The following MARCHF1 variants were observed in gnomAD, a reference collection of about 807,000 sequenced individuals.
MARCHF1 encodes the protein E3 ubiquitin-protein ligase MARCHF1.
Under a neutral mutation model 54.2 loss-of-function variants are expected in MARCHF1, and 40 were observed. That is an observed-to-expected ratio of 0.74 (90% CI 0.57 to 0.96). The LOEUF is 0.96. Ranked by LOEUF, MARCHF1 falls within the 40% of genes least tolerant of loss-of-function variation. The pLI is 0.00. For synonymous variants in MARCHF1, 236 were observed against 236.3 expected (o/e 1.00, Z 0.01); for missense variants, 586 against 656.5 (o/e 0.89, Z 1.17).
chr4:163,626,078 T>G (rs2036905), intron 5 of MARCHF1, among the ~76,000 whole-genome samples: 48,365 of 152,158 alleles, frequency 0.32, 8,823 homozygotes, highest in Non-Finnish European at 0.42. Flanking sequence ...AAGCATTCTT[T>G]GTAATGGATG....
chr4:164,078,259 T>C (rs899322086), intron 2 of MARCHF1, among the ~76,000 whole-genome samples: 1 of 152,140 alleles, frequency 6.6e-6, no homozygotes, highest in African/African-American at 2.4e-5. Context: ...ATCATCATTC[T>C]CAGCAAACTA....
intron 1 of MARCHF1, among the ~76,000 whole-genome samples, chr4:164,333,847 G>A (rs1221331180): frequency 6.6e-6 from 1 of 152,196 alleles, no homozygotes; most frequent in African/African-American, 2.4e-5. Flanking sequence ...CAAAGGAAAA[G>A]TTCTTGAAGG....
chr4:164,312,664 A>G (rs1408718951), intron 1 of MARCHF1, among the ~76,000 whole-genome samples: 1 of 152,138 alleles, frequency 6.6e-6, no homozygotes, highest in African/African-American at 2.4e-5. Flanking sequence ...AAAATTGGAG[A>G]AAGAATCTAC....
intron 1 of MARCHF1, among the ~76,000 whole-genome samples, chr4:164,347,371 C>A (rs1045126839): frequency 4.0e-4 from 61 of 152,222 alleles, no homozygotes; most frequent in African/African-American, 1.0e-3. Flanking sequence ...CAGGTAAATT[C>A]TTTTCTTTGC....
chr4:164,096,400 C>T (rs1755413159), intron 2 of MARCHF1, among the ~76,000 whole-genome samples: 1 of 151,850 alleles, frequency 6.6e-6, no homozygotes, highest in Non-Finnish European at 1.5e-5. Flanking sequence ...GAACAATAGA[C>T]ACTGGAGTCT....
At chr4:163,535,356 G>T (rs1738493034) in intron 9 of MARCHF1, among the ~76,000 whole-genome samples, 1 of 152,048 alleles carries the variant, frequency 6.6e-6, no homozygotes, top group Non-Finnish European at 1.5e-5. Flanking sequence ...GGCCTTTAAA[G>T]ACCATCTATT....
intron 2 of MARCHF1, among the ~76,000 whole-genome samples, chr4:163,989,987 G>A (rs922693964): frequency 6.6e-6 from 1 of 152,016 alleles, no homozygotes; most frequent in African/African-American, 2.4e-5. Flanking sequence ...ATCTCTACCT[G>A]TCTTTGTATT....
chr4:164,105,340 G>T (rs2111168040), intron 2 of MARCHF1, among the ~76,000 whole-genome samples: 1 of 147,010 alleles, frequency 6.8e-6, no homozygotes, highest in South Asian at 2.2e-4. Context: ...AAAGCTGGAG[G>T]CATCACACTA....
intron 9 of MARCHF1, among the ~76,000 whole-genome samples, chr4:163,543,823 C>A (rs567778121): frequency 3.9e-5 from 6 of 152,248 alleles, no homozygotes; most frequent in Admixed American, 2.0e-4. Context: ...CCTCTTCTTA[C>A]ATCTACGAGA....
At chr4:164,066,249 C>A (rs1754727305) in intron 2 of MARCHF1, among the ~76,000 whole-genome samples, 1 of 152,070 alleles carries the variant, frequency 6.6e-6, no homozygotes, top group Non-Finnish European at 1.5e-5. Flanking sequence ...ATATATGCAG[C>A]CAACGAGCAC....
At chr4:163,817,721 A>G (rs1282055671) in intron 4 of MARCHF1, among the ~76,000 whole-genome samples, 2 of 152,094 alleles carry the variant, frequency 1.3e-5, no homozygotes, top group Non-Finnish European at 2.9e-5. Flanking sequence ...AGGTTTACGT[A>G]TGTTTTGAAA....
At chr4:163,637,416 T>C (rs1292452566) in intron 5 of MARCHF1, among the ~76,000 whole-genome samples, 2 of 151,642 alleles carry the variant, frequency 1.3e-5, no homozygotes, top group African/African-American at 2.4e-5. Context: ...AACAACCCCA[T>C]CAAAAAGTGG....
intron 2 of MARCHF1, among the ~76,000 whole-genome samples, chr4:164,078,372 C>G (rs1755023029): frequency 6.6e-6 from 1 of 151,984 alleles, no homozygotes; most frequent in African/African-American, 2.4e-5. Context: ...ACACCGGGGT[C>G]TGCAGGGAGT....
chr4:164,104,912 G>T lies in MARCHF1; in HGVS notation c.-248+6676C>A, dbSNP rs1347318874. 6.0e-5 allele frequency among the ~76,000 whole-genome samples: 4 copies of T among 66,980 alleles called. 2 individuals carry two copies. Among genetic ancestry groups the T allele is most frequent in the Admixed American group, 3.2e-4 (2 of 6,254 alleles). 43.9% of individuals were successfully genotyped at this position (66,980 alleles called of 152,430 possible). ...CTCCTTAAGCTGATAAGCAACTTCA[G>T]CAAAGTCTCAGATATAAAATCAATG... On this transcript the variant is annotated intron_variant, in intron 2 of 9. Transcript: ENST00000514618.
intron 3 of MARCHF1, among the ~76,000 whole-genome samples, chr4:163,964,675 TTCTC>T (rs201539959): frequency 6.6e-6 from 1 of 151,458 alleles, no homozygotes; most frequent in Non-Finnish European, 1.5e-5. Context: ...TATCCTCTGC[TTCTC>T]TCTCTTTTGA....
At chr4:164,171,063 A>T (rs1730512688) in intron 1 of MARCHF1, among the ~76,000 whole-genome samples, 1 of 152,200 alleles carries the variant, frequency 6.6e-6, no homozygotes, top group Non-Finnish European at 1.5e-5. Flanking sequence ...TATAGTAACC[A>T]ACATATTTAA....
intron 1 of MARCHF1, among the ~76,000 whole-genome samples, chr4:164,211,860 G>C (rs1238858351): frequency 6.6e-6 from 1 of 151,848 alleles, no homozygotes; most frequent in Admixed American, 6.6e-5. Flanking sequence ...AGTAGCCAGA[G>C]GGAGAAGTAA....
intron 1 of MARCHF1, among the ~76,000 whole-genome samples, chr4:164,142,785 G>A (rs528261514): frequency 7.9e-5 from 12 of 152,310 alleles, no homozygotes; most frequent in Non-Finnish European, 1.5e-4. Flanking sequence ...CCAAAGGAAC[G>A]CAGTTCCTCA....
Position 164,121,755 on chromosome 4 carries a change from C to T in MARCHF1, c.-322-10093G>A, listed in dbSNP as rs376783001. ...ATCTGTTGGCCTCACTGTTGAATTC[C>T]ATCAAAAATTCAAAGAAGAACTAAT... is the stretch of plus-strand genomic sequence containing the variant. On this transcript the variant is annotated intron_variant, in intron 1 of 9. Coordinates refer to ENST00000514618, the MANE Select transcript of MARCHF1 (RefSeq NM_001394959.1). 4.6e-5 allele frequency among the ~76,000 whole-genome samples: 7 copies of T among 152,104 alleles called. No individual in the cohort carries two copies. In the East Asian group the frequency reaches 1.2e-3, roughly 25 times the overall value.
Sources: allele counts gnomAD v4.1 joint callset (sites outside exome capture counted in the v4.1 genomes callset), GRCh38; gene constraint gnomAD v4.1.1; transcripts MANE v1.5; gene names NCBI Gene and HGNC (gene_info 2026-07-23, HGNC 2026-07-21).